The following ZNF385D variants were observed in gnomAD, a reference collection of about 807,000 sequenced individuals.
ZNF385D encodes zinc finger protein 385D, also known as zinc finger protein 659.
A neutral mutation model predicts 35.8 loss-of-function variants in ZNF385D; 15 were observed. The ratio of observed to expected loss-of-function variants is 0.42; its 90% confidence interval spans 0.28 to 0.64. The LOEUF (loss-of-function observed/expected upper bound fraction) is 0.64. Ranked by LOEUF, ZNF385D falls within the 30% of genes least tolerant of loss-of-function variation. The pLI, the probability that ZNF385D is intolerant of heterozygous loss-of-function variation, is 0.23. For missense variants in ZNF385D, 474 were observed against 494.6 expected, an observed-to-expected ratio of 0.96 and a Z score of 0.39; for synonymous variants, 212 against 186.8, an observed-to-expected ratio of 1.13 and a Z score of -1.10.
At chr3:21,464,975 C>A (rs942597130) in intron 4 of ZNF385D, among the ~76,000 whole-genome samples, 1 of 152,076 alleles carries the variant, frequency 6.6e-6, no homozygotes, top group African/African-American at 2.4e-5. Context: ...CATCATGTGA[C>A]CCCACTGCCG....
At chr3:22,050,088 G>A (rs1699251021) in intron 3 of ZNF385D, among the ~76,000 whole-genome samples, 1 of 152,050 alleles carries the variant, frequency 6.6e-6, no homozygotes, top group Non-Finnish European at 1.5e-5. Context: ...TTTTGGGGCT[G>A]GGTGCAGTGG....
chr3:22,036,395 T>C (rs2125493649), intron 3 of ZNF385D, among the ~76,000 whole-genome samples: 1 of 152,116 alleles, frequency 6.6e-6, no homozygotes, highest in Non-Finnish European at 1.5e-5. Flanking sequence ...CTTCTAAACA[T>C]AAAATGAATT....
intron 3 of ZNF385D, among the ~76,000 whole-genome samples, chr3:22,130,148 CTGCT>C (rs1703690273): frequency 6.6e-6 from 1 of 152,130 alleles, no homozygotes; most frequent in Admixed American, 6.6e-5. Context: ...CTTCAGGACT[CTGCT>C]TGCTGCTTCA....
At chr3:22,319,666 T>G (rs1694308318) in intron 2 of ZNF385D, among the ~76,000 whole-genome samples, 1 of 152,124 alleles carries the variant, frequency 6.6e-6, no homozygotes, top group Non-Finnish European at 1.5e-5. Flanking sequence ...AATCTCCTCC[T>G]GTGAAAAGAT....
intron 2 of ZNF385D, among the ~76,000 whole-genome samples, chr3:22,177,707 A>T (rs971865969): frequency 5.9e-5 from 9 of 152,170 alleles, no homozygotes; most frequent in Admixed American, 3.9e-4. Flanking sequence ...AACATTAGGT[A>T]TATCTCCAAA....
chr3:22,043,461 G>C (rs568167336), intron 3 of ZNF385D, among the ~76,000 whole-genome samples: 5 of 152,052 alleles, frequency 3.3e-5, no homozygotes, highest in African/African-American at 7.3e-5. Context: ...ACAAAGGAAA[G>C]TATAATTATC....
In ZNF385D at chr3:22,094,773, C is replaced by T. The variant is rs181855384; in HGVS notation, c.325+74044G>A. Among the ~76,000 whole-genome samples, 495 of 152,158 alleles carry T rather than the reference C, an allele frequency of 3.3e-3. 1 individual carries two copies. The highest frequency in any genetic ancestry group is 0.011 in the African/African-American group (468 of 41,528). On this transcript the variant is annotated intron_variant, in intron 3 of 5. Coordinates refer to the ZNF385D transcript ENST00000494108. ...TGTGATTTTGTGTCAAATGCTGTCACAGATCTTTAAAAGAGTACAGCTGTA... is the reference window on the plus strand; with the variant it reads ...TGTGATTTTGTGTCAAATGCTGTCATAGATCTTTAAAAGAGTACAGCTGTA...
intron 2 of ZNF385D, among the ~76,000 whole-genome samples, chr3:22,211,188 G>C (rs546275961): frequency 9.2e-5 from 14 of 151,962 alleles, no homozygotes; most frequent in African/African-American, 3.4e-4. Flanking sequence ...AACATAATAA[G>C]CATAAATAAT....
chr3:21,753,857 C>A (rs1002870960), upstream of ZNF385D, among the ~76,000 whole-genome samples: 1 of 151,962 alleles, frequency 6.6e-6, no homozygotes, highest in African/African-American at 2.4e-5. Flanking sequence ...TCTCACCCTG[C>A]AGCTCTGGTA....
intron 3 of ZNF385D, among the ~76,000 whole-genome samples, chr3:21,554,730 T>TG (rs1439853726): frequency 5.9e-5 from 9 of 152,204 alleles, no homozygotes. Context: ...CTGGATTACT[T>TG]GCTGCAGCTC....
At position 22,037,122 on chromosome 3, in the gene ZNF385D, T is replaced by G. The variant is rs141295365; in HGVS notation, c.325+131695A>C. ...AATCCAGTCTATCGTTGTTGGGTAT[T>G]TGGGTTGGTTCCAAGTCTTTGCTAT... On this transcript the variant is annotated intron_variant, in intron 3 of 5. Transcript: ENST00000494108. Among the ~76,000 whole-genome samples the G allele has an allele frequency of 5.1e-3, 769 of 152,232 alleles. 14 individuals are homozygous for G. The highest frequency in any genetic ancestry group is 0.016 in the African/African-American group (668 of 41,540).
chr3:21,825,071 A>G (rs1038058065), intron 3 of ZNF385D, among the ~76,000 whole-genome samples: 3 of 152,198 alleles, frequency 2.0e-5, no homozygotes, highest in Non-Finnish European at 4.4e-5. Flanking sequence ...TCAGTTTGTA[A>G]TTATCAGTAC....
intron 4 of ZNF385D, among the ~76,000 whole-genome samples, chr3:21,474,008 A>ATG (rs1057152073): frequency 2.0e-5 from 3 of 151,994 alleles, no homozygotes; most frequent in Non-Finnish European, 4.4e-5. Flanking sequence ...ATGTGTATAT[A>ATG]TGTGTGTGTG....
At position 21,738,462 on chromosome 3, in the gene ZNF385D, C is replaced by T. The variant is rs537459772; in HGVS notation, c.22+12433G>A. ...TTGCCATACTTACAAAAGTGGCTGT[C>T]AGGGACTAAGCACTTACTAAATCTT... On this transcript the variant is annotated intron_variant, in intron 1 of 7. Coordinates refer to ENST00000281523, the MANE Select transcript of ZNF385D (RefSeq NM_024697.3). Among the ~76,000 whole-genome samples the T allele has an allele frequency of 9.8e-5, 15 of 152,306 alleles. No homozygotes were observed. The South Asian group carries it at 1.2e-3, about 13-fold the overall frequency.
intron 3 of ZNF385D, among the ~76,000 whole-genome samples, chr3:21,888,892 C>G (rs759964594): frequency 2.0e-5 from 3 of 152,220 alleles, no homozygotes; most frequent in Non-Finnish European, 4.4e-5. Context: ...CAGCCAGTGA[C>G]TTGCTCAAAA....
intron 1 of ZNF385D, among the ~76,000 whole-genome samples, chr3:21,708,450 G>A (rs2067985671): frequency 6.6e-6 from 1 of 152,152 alleles, no homozygotes; most frequent in South Asian, 2.1e-4. Context: ...TAATGCCACT[G>A]CTCTGAACTG....
chr3:22,357,517 T>C (rs192962789), intron 2 of ZNF385D, among the ~76,000 whole-genome samples: 1 of 152,066 alleles, frequency 6.6e-6, no homozygotes, highest in African/African-American at 2.4e-5. Flanking sequence ...CTTTACAGTA[T>C]TTTATTTACA....
At chr3:22,136,456 C>T (rs1381261017) in intron 3 of ZNF385D, among the ~76,000 whole-genome samples, 1 of 151,172 alleles carries the variant, frequency 6.6e-6, no homozygotes, top group East Asian at 1.9e-4. Context: ...AAACACATTG[C>T]TAAAAAATGA....
chr3:21,795,945 G>T (rs772811445), intron 3 of ZNF385D, among the ~76,000 whole-genome samples: 93 of 152,140 alleles, frequency 6.1e-4, no homozygotes, highest in Non-Finnish European at 3.2e-4. Flanking sequence ...GTAAGTAAAA[G>T]AACTTAAGGC....
Sources: allele counts gnomAD v4.1 joint callset (sites outside exome capture counted in the v4.1 genomes callset), GRCh38; gene constraint gnomAD v4.1.1; transcripts MANE v1.5; gene names NCBI Gene and HGNC (gene_info 2026-07-23, HGNC 2026-07-21).